BTBD16: variants seen among roughly 807,000 people sequenced by gnomAD.
BTBD16 encodes BTB domain containing 16.
BTBD16 carries 66 observed loss-of-function variants against 67.4 expected under a neutral mutation model. The observed-to-expected ratio is 0.98, with a 90% CI of 0.80 to 1.20. The LOEUF is 1.20. Among genes scored for constraint, BTBD16 ranks in the 50% most tolerant of loss-of-function variants. The pLI is 0.00. For synonymous variants in BTBD16, 242 were observed against 236.4 expected, an observed-to-expected ratio of 1.02 and a Z score of -0.22; for missense variants, 634 against 616.0, an observed-to-expected ratio of 1.03 and a Z score of -0.31.
At chr10:122,305,592 A>G (rs1233581177) in intron 9 of BTBD16, among the ~76,000 whole-genome samples, 1 of 152,224 alleles carries the variant, frequency 6.6e-6, no homozygotes, top group African/African-American at 2.4e-5. Flanking sequence ...AGATGCCAGC[A>G]TCATGCTTCC....
chr10:122,299,991 C>T (rs1463107170), intron 9 of BTBD16, among the ~76,000 whole-genome samples: 1 of 152,208 alleles, frequency 6.6e-6, no homozygotes, highest in Non-Finnish European at 1.5e-5. Flanking sequence ...TTGGTTCATG[C>T]CCATCCTCCT....
intron 3 of BTBD16, among the ~76,000 whole-genome samples, chr10:122,279,954 GC>G (rs1211149156): frequency 6.6e-6 from 1 of 152,136 alleles, no homozygotes; most frequent in Non-Finnish European, 1.5e-5. Flanking sequence ...ATGTAATTGT[GC>G]CCAGCTGGCC....
intron 10 of BTBD16, among the ~76,000 whole-genome samples, chr10:122,325,498 G>C (rs1479693080): frequency 1.3e-5 from 2 of 152,066 alleles, no homozygotes; most frequent in Admixed American, 1.3e-4. Context: ...AGGACTGATG[G>C]GTAGGTCAGC....
intron 10 of BTBD16, among the ~76,000 whole-genome samples, chr10:122,320,518 T>G (rs2096433686): frequency 6.6e-6 from 1 of 152,154 alleles, no homozygotes; most frequent in Non-Finnish European, 1.5e-5. Flanking sequence ...TGCTATAAAT[T>G]TCCCTCTAAT....
chr10:122,308,947 C>T (rs1564995727), intron 10 of BTBD16, among the ~76,000 whole-genome samples: 1 of 152,174 alleles, frequency 6.6e-6, no homozygotes, highest in Non-Finnish European at 1.5e-5. Context: ...CCTCTCTGTC[C>T]ATCCGTGATG....
intron 3 of BTBD16, among the ~76,000 whole-genome samples, chr10:122,278,111 C>T (rs1040077481): frequency 3.9e-5 from 6 of 152,158 alleles, no homozygotes; most frequent in East Asian, 1.9e-4. Context: ...TGCCAGGGCT[C>T]GGCCAGGGAT....
rs141213995 is a variant in BTBD16, at chr10:122,309,224, T to C, written c.911+1916T>C. Among the ~76,000 whole-genome samples, 1,235 of 152,306 alleles carry C rather than the reference T, an allele frequency of 8.1e-3. 41 individuals are homozygous for C. The highest frequency in any genetic ancestry group is 0.061 in the Admixed American group (929 of 15,298). On this transcript the variant is annotated intron_variant, in intron 10 of 15. Transcript: ENST00000260723. ...TCACTGCAGCCTCAAACTCCTAGGT[T>C]CAAGTGATCCTCTCGCCTCAGCCTC...
intron 10 of BTBD16, among the ~76,000 whole-genome samples, chr10:122,309,155 C>T (rs1025908204): frequency 6.6e-6 from 1 of 152,124 alleles, no homozygotes; most frequent in Non-Finnish European, 1.5e-5. Context: ...GAGACAGGGT[C>T]TTGCTCTGTC....
At chr10:122,294,220 T>G (rs1465755009) in intron 7 of BTBD16, 2 of 985,242 alleles carry the variant, frequency 2.0e-6, no homozygotes, top group African/African-American at 3.5e-5. Flanking sequence ...TGTGGCATCA[T>G]AGGATACATG....
chr10:122,307,646 C>T (rs917541101), intron 10 of BTBD16, among the ~76,000 whole-genome samples: 1 of 152,002 alleles, frequency 6.6e-6, no homozygotes, highest in African/African-American at 2.4e-5. Context: ...AAAAAATCAG[C>T]TTTCTTAGGT....
At chr10:122,335,826 C>T (rs1342882943) in intron 14 of BTBD16, among the ~76,000 whole-genome samples, 2 of 152,146 alleles carry the variant, frequency 1.3e-5, no homozygotes, top group Admixed American at 6.5e-5. Context: ...TTTATTACTA[C>T]TGCCAATCAC....
chr10:122,282,620 G>A (rs1352932069), intron 3 of BTBD16, among the ~76,000 whole-genome samples: 1 of 152,172 alleles, frequency 6.6e-6, no homozygotes, highest in Non-Finnish European at 1.5e-5. Context: ...CTCAAATTTT[G>A]TTTCACTTCC....
chr10:122,284,277 C>T (rs1214119984), intron 4 of BTBD16, among the ~76,000 whole-genome samples: 4 of 152,026 alleles, frequency 2.6e-5, no homozygotes, highest in Non-Finnish European at 4.4e-5. Flanking sequence ...GGTGAAACCC[C>T]GTCTCTACTA....
Position 122,331,987 on chromosome 10 carries a change from C to G in BTBD16, c.1087-449C>G, listed in dbSNP as rs556191444. ...GAGGGGACAGTCTGTGCAGACATCT[C>G]GGGAAGTCCCCACCTTCCTCTTGGT... On this transcript the variant is annotated intron_variant, in intron 12 of 15. Coordinates refer to ENST00000260723, the MANE Select transcript of BTBD16 (RefSeq NM_144587.5). 12 of 175,212 alleles carry G rather than the reference C, an allele frequency of 6.8e-5. 1 individual carries two copies. In the Middle Eastern group the frequency reaches 0.011, roughly 156 times the overall value. 10.9% of individuals were successfully genotyped at this position (175,212 alleles called of 1,614,324 possible).
chr10:122,336,705 C>A, intron 15 of BTBD16, 23 bp downstream of exon 15: 1 of 1,542,912 alleles, frequency 6.5e-7, no homozygotes, highest in Non-Finnish European at 8.7e-7. Context: ...GTTGTCTTTT[C>A]CTTTATTTCC....
chr10:122,277,813 T>C (rs2096344113), intron 3 of BTBD16, among the ~76,000 whole-genome samples: 1 of 152,180 alleles, frequency 6.6e-6, no homozygotes, highest in Non-Finnish European at 1.5e-5. Context: ...GGGGATCAAA[T>C]TTCTACACGA....
At chr10:122,330,712 T>G (rs1311872584) in intron 11 of BTBD16, among the ~76,000 whole-genome samples, 3 of 152,054 alleles carry the variant, frequency 2.0e-5, no homozygotes, top group African/African-American at 7.2e-5. Context: ...TATAAGGTGG[T>G]TTTTTGTGTT....
chr10:122,290,052 C>A, intron 6 of BTBD16, 54 bp downstream of exon 6: 1 of 1,248,820 alleles, frequency 8.0e-7, no homozygotes, highest in Non-Finnish European at 1.2e-6. Flanking sequence ...ATGGTCCTCC[C>A]AGATTTAAAA....
intron 2 of BTBD16, 125 bp from the exon 3 acceptor site, chr10:122,276,666 G>A: frequency 1.6e-6 from 2 of 1,281,696 alleles, no homozygotes; most frequent in Non-Finnish European, 2.2e-6. Context: ...TATTAGCCAT[G>A]TTCAAAAATT....
Sources: gnomAD v4.1 joint callset for allele counts (sites outside exome capture counted in the v4.1 genomes callset) on GRCh38, gnomAD v4.1.1 for gene constraint, MANE v1.5 for transcripts, NCBI Gene and HGNC (gene_info 2026-07-23, HGNC 2026-07-21) for gene names.